The following FCRL5 variants were observed in gnomAD, a reference collection of about 807,000 sequenced individuals.
The protein encoded by FCRL5 is Fc receptor-like protein 5.
In FCRL5, 79 loss-of-function variants were observed where a neutral mutation model predicts 92.1. The ratio of observed to expected loss-of-function variants is 0.86; its 90% CI spans 0.72 to 1.03. FCRL5 has a LOEUF of 1.03. FCRL5 is among the 50% of genes least tolerant of loss of function. FCRL5 has a pLI of 0.00. For synonymous variants in FCRL5, 466 were observed against 469.3 expected (o/e 0.99, Z 0.09); for missense variants, 1,160 against 1,181.1 (o/e 0.98, Z 0.26).
intron 8 of FCRL5, among the ~76,000 whole-genome samples, chr1:157,530,489 C>T (rs1338506378): frequency 6.6e-6 from 1 of 152,192 alleles, no homozygotes; most frequent in Non-Finnish European, 1.5e-5. Context: ...GCCTCAGCCT[C>T]CTGAATAGCT....
chr1:157,548,048 G>T (rs1398682432), intron 2 of FCRL5, among the ~76,000 whole-genome samples: 3 of 152,184 alleles, frequency 2.0e-5, no homozygotes, highest in Admixed American at 1.3e-4. Flanking sequence ...TATTTTTCTG[G>T]CTCGCTGATT....
rs890785912 is a variant in FCRL5, at chr1:157,547,108, G to A, written c.142C>T (p.Arg48Cys). Residue 48 changes from arginine (R) to cysteine (C), a missense_variant, in exon 3 of 17, where the codon CGC (arginine) becomes TGC (cysteine). Physicochemically the swap from Arg to Cys is radical, Grantham distance 180. Coordinates refer to ENST00000361835, the MANE Select transcript of FCRL5 (RefSeq NM_031281.3). Reference sequence around the variant, plus strand: ...TTTGTTTTCTGTGGTGAGTAGAAGCGAAATCCCTTGCAAGTGAGGGTCACT... The same window carrying A: ...TTTGTTTTCTGTGGTGAGTAGAAGCAAAATCCCTTGCAAGTGAGGGTCACT... ...ERVTLTCKGF[R>C]FYSPQKTKWY... 8 of 1,614,014 alleles carry A rather than the reference G, an allele frequency of 5.0e-6. No individual in the cohort carries two copies. The highest frequency in any genetic ancestry group is 2.2e-5 in the East Asian group (1 of 44,900).
At chr1:157,548,860 T>G (rs1023953978) in intron 2 of FCRL5, among the ~76,000 whole-genome samples, 2 of 152,168 alleles carry the variant, frequency 1.3e-5, no homozygotes, top group African/African-American at 4.8e-5. Flanking sequence ...GTTCAACCAT[T>G]GTGGAAGTCA....
intron 5 of FCRL5, among the ~76,000 whole-genome samples, chr1:157,543,763 T>C (rs1013691651): frequency 1.3e-5 from 2 of 152,186 alleles, no homozygotes; most frequent in African/African-American, 4.8e-5. Flanking sequence ...GGTGATGTAA[T>C]CTGGGGTGCA....
chr1:157,535,001 C>G, intron 7 of FCRL5, 109 bp from the exon 8 acceptor site: 2 of 1,073,700 alleles, frequency 1.9e-6, no homozygotes, highest in Non-Finnish European at 2.6e-6. Flanking sequence ...CTAGACTTCA[C>G]CTACCTGGAG....
intron 3 of FCRL5, among the ~76,000 whole-genome samples, chr1:157,545,729 A>T (rs6683708): frequency 6.6e-6 from 1 of 151,566 alleles, no homozygotes. Flanking sequence ...GGGGTTTCAT[A>T]GTGTTAGCCA....
chr1:157,539,030 G>A, intron 7 of FCRL5, 56 bp downstream of exon 7: 2 of 1,570,766 alleles, frequency 1.3e-6, no homozygotes, highest in Non-Finnish European at 8.7e-7. Context: ...CTGAAGGGTT[G>A]GGTAAGAGAG....
chr1:157,537,392 A>G (rs955813146), intron 7 of FCRL5, among the ~76,000 whole-genome samples: 2 of 152,210 alleles, frequency 1.3e-5, no homozygotes, highest in African/African-American at 2.4e-5. Flanking sequence ...TATTAGGACG[A>G]GGAAATTCCT....
At chr1:157,541,512 C>G (rs1380710265) in intron 6 of FCRL5, among the ~76,000 whole-genome samples, 1 of 152,228 alleles carries the variant, frequency 6.6e-6, no homozygotes, top group South Asian at 2.1e-4. Flanking sequence ...CGTCAAGAAC[C>G]GACTGCCCCT....
chr1:157,523,833 A>G (rs1331336270), intron 10 of FCRL5: 1 of 183,162 alleles, frequency 5.5e-6, no homozygotes, highest in Non-Finnish European at 1.1e-5. Context: ...AGGATTTTTA[A>G]TGTGGAAATG....
At position 157,534,851 on chromosome 1, in the gene FCRL5, C is replaced by A; in HGVS notation, c.1444G>T (p.Ala482Ser). ...HPVLTLSSAE[A>S]LTFEGATVTL... ...ACAGTGGCTCCTTCAAAAGTCAGGG[C>A]CTCAGCAGAGCTGAGGGTGAGGACA... The change falls in exon 8 of 17, where the codon GCC (alanine) becomes TCC (serine). Residue 482 changes from alanine to serine, a missense_variant. By Grantham distance (99) the Ala-to-Ser change is moderately conservative. Coordinates refer to ENST00000361835, the MANE Select transcript of FCRL5 (RefSeq NM_031281.3). 6.3e-7 allele frequency: 1 copy of A among 1,577,048 alleles called. No individual in the cohort carries two copies.
Position 157,534,684 on chromosome 1 carries a change from C to A in FCRL5, c.1611G>T (p.Gly537=). 1.2e-6 allele frequency: 2 copies of A among 1,614,102 alleles called. No individual in the cohort carries two copies. The highest frequency in any genetic ancestry group is 1.7e-6 in the Non-Finnish European group (2 of 1,180,020). ...CATTGTCAGCTGTGCAGTAGTAATT[C>A]CCTGAATGTCCTTCAGTCAGAGAGA... The part of the protein sequence containing the change: ...FSFSLTEGHS[G]NYYCTADNGF... Residue 537 remains glycine, a synonymous_variant, in exon 8 of 17, where the codon GGG becomes GGT. Transcript: ENST00000361835.
In FCRL5 at chr1:157,547,081, A is replaced by G. The variant is rs755063955; in HGVS notation, c.169T>C (p.Trp57Arg). Residue 57 changes from tryptophan (W) to arginine (R), a missense_variant, in exon 3 of 17, where the codon TGG (tryptophan) becomes CGG (arginine). By Grantham distance (101) the Trp-to-Arg change is moderately radical. Transcript: ENST00000361835. ...TCTTTCCCAAGGTACCGATGGTACC[A>G]TTTTGTTTTCTGTGGTGAGTAGAAG... ...FRFYSPQKTK[W>R]YHRYLGKEIL... is the part of the protein sequence containing the mutation. 1.2e-6 allele frequency: 2 copies of G among 1,614,166 alleles called. No individual in the cohort carries two copies. Among genetic ancestry groups the G allele is most frequent in the Non-Finnish European group, 1.7e-6 (2 of 1,180,032 alleles).
intron 6 of FCRL5, among the ~76,000 whole-genome samples, chr1:157,541,353 GT>G (rs894517201): frequency 1.2e-4 from 19 of 152,182 alleles, no homozygotes; most frequent in African/African-American, 4.3e-4. Flanking sequence ...TGCTGGAGTG[GT>G]TTTCCCCAAG....
Position 157,539,137 on chromosome 1 carries a change from C to T in FCRL5, c.1351G>A (p.Asp451Asn). The T allele has an allele frequency of 1.2e-6, 2 of 1,614,224 alleles. No individual in the cohort carries two copies. Residue 451 changes from aspartate to asparagine, a missense_variant, in exon 7 of 17, where the codon GAC becomes AAC. Coordinates refer to ENST00000361835, the MANE Select transcript of FCRL5 (RefSeq NM_031281.3). ...EHSGNYYCTA[D>N]NGFGPQRSKA... ...CTGCGCTGGGGGCCAAAGCCATTGT[C>T]AGCTGTGCAGTAGTAGTTCCCTGAA...
intron 15 of FCRL5, chr1:157,516,099 C>A: frequency 1.6e-6 from 1 of 625,896 alleles, no homozygotes; most frequent in East Asian, 2.7e-5. Context: ...CACTTTGTGG[C>A]CCACTCTGAG....
At chr1:157,546,200 C>A (rs115942842) in intron 3 of FCRL5, 3 of 440,168 alleles carry the variant, frequency 6.8e-6, no homozygotes, top group South Asian at 4.9e-5. Flanking sequence ...GTAATCCCAG[C>A]GCTTTGAGAG....
chr1:157,547,714 G>A (rs1651623474), intron 2 of FCRL5, among the ~76,000 whole-genome samples: 1 of 152,198 alleles, frequency 6.6e-6, no homozygotes, highest in Non-Finnish European at 1.5e-5. Flanking sequence ...GGCAGAGCAA[G>A]GAAGGGACAA....
chr1:157,530,058 A>AT (rs1339935233), intron 8 of FCRL5, among the ~76,000 whole-genome samples: 1 of 152,116 alleles, frequency 6.6e-6, no homozygotes, highest in East Asian at 1.9e-4. Context: ...CATTTTCTTT[A>AT]TTTTTTCAGA....
Sources: allele counts gnomAD v4.1 joint callset (sites outside exome capture counted in the v4.1 genomes callset), GRCh38; gene constraint gnomAD v4.1.1; transcripts MANE v1.5; gene names NCBI Gene and HGNC (gene_info 2026-07-23, HGNC 2026-07-21).